Variants in CDH7 observed in about 807,000 individuals in gnomAD.
CDH7 encodes the protein cadherin-7.
Under a neutral mutation model 71.8 loss-of-function variants are expected in CDH7, and 25 were observed. That is an observed-to-expected ratio of 0.35 (90% CI 0.25 to 0.49). The LOEUF is 0.49. Ranked by LOEUF, CDH7 falls within the 20% of genes least tolerant of loss-of-function variation. The pLI is 0.99. For missense variants in CDH7, 862 were observed against 974.6 expected, an observed-to-expected ratio of 0.88 and a Z score of 1.54; for synonymous variants, 381 against 363.8, an observed-to-expected ratio of 1.05 and a Z score of -0.54.
chr18:65,844,157 A>G (rs1018063564), intron 7 of CDH7, 92 bp downstream of exon 7: 2 of 797,176 alleles, frequency 2.5e-6, no homozygotes, highest in African/African-American at 1.8e-5. Flanking sequence ...TCCTTTGTTC[A>G]TAACAAATAA....
chr18:65,861,343 G>A (rs1234473089), intron 10 of CDH7, among the ~76,000 whole-genome samples: 6 of 151,822 alleles, frequency 4.0e-5, no homozygotes, highest in Admixed American at 3.9e-4. Flanking sequence ...GTGTGTTTGT[G>A]TGTGTGTGTG....
intron 11 of CDH7, among the ~76,000 whole-genome samples, chr18:65,866,684 G>C (rs761077590): frequency 2.0e-5 from 3 of 152,096 alleles, no homozygotes; most frequent in African/African-American, 7.2e-5. Flanking sequence ...GAAGTACATC[G>C]TGAAAATATA....
At chr18:65,781,898 CTCTATCTTTCTCTCTTTCTCTCTT>C (rs1910252587) in intron 2 of CDH7, among the ~76,000 whole-genome samples, 3 of 58,578 alleles carry the variant, frequency 5.1e-5, no homozygotes, top group Non-Finnish European at 3.2e-5. Flanking sequence ...CTCTCTTTCT[CTCTATCTTTCTCTCTTTCTCTCTT>C]TCTCTCTCTC....
At chr18:65,833,785 A>T (rs573829880) in intron 6 of CDH7, among the ~76,000 whole-genome samples, 1 of 152,202 alleles carries the variant, frequency 6.6e-6, no homozygotes, top group African/African-American at 2.4e-5. Context: ...GAAGAAAATG[A>T]TACTAATTTA....
chr18:65,798,769 A>G (rs906126554), intron 2 of CDH7, among the ~76,000 whole-genome samples: 1 of 152,092 alleles, frequency 6.6e-6, no homozygotes, highest in Non-Finnish European at 1.5e-5. Flanking sequence ...CTTAAGAAAG[A>G]TGTGTTATCT....
rs1051171906 is a variant in CDH7 at position 65,890,251 on chromosome 18, A to T, written c.*9357A>T. ...GAAGCTTCAATTCTAGCAAAAATAA[A>T]CTATGTGCACTCATCAAAATGTGTG... On this transcript the variant is annotated 3_prime_UTR_variant, in exon 12 of 12. Coordinates refer to ENST00000397968, the MANE Select transcript of CDH7 (RefSeq NM_004361.5). 5.3e-5 allele frequency: 8 copies of T among 152,198 alleles called. No individual in the cohort carries two copies. The East Asian group carries it at 1.5e-3, about 29-fold the overall frequency. The allele number at this position is 152,198 out of a possible 1,614,324, so 9.4% of individuals were successfully genotyped here.
At chr18:65,842,236 G>A (rs1417158487) in intron 6 of CDH7, among the ~76,000 whole-genome samples, 1 of 151,968 alleles carries the variant, frequency 6.6e-6, no homozygotes, top group Non-Finnish European at 1.5e-5. Context: ...ACTCCCCTAT[G>A]TATAAAAAGC....
rs1209164393 is a variant in CDH7 at position 65,886,876 on chromosome 18, A to C, written c.*5982A>C. ...TCTTACGAATGAAGAAACTCTAGGA[A>C]ACTAAAAAATAATATATAATGGATA... is the stretch of plus-strand genomic sequence containing the variant. On this transcript the variant is annotated 3_prime_UTR_variant, in exon 12 of 12. Coordinates refer to ENST00000397968, the MANE Select transcript of CDH7 (RefSeq NM_004361.5). The C allele has an allele frequency of 6.6e-6, 1 of 152,144 alleles. No individual in the cohort carries two copies. The highest frequency in any genetic ancestry group is 1.5e-5 in the Non-Finnish European group (1 of 67,992). The allele number at this position is 152,144 out of a possible 1,614,324, so 9.4% of individuals were successfully genotyped here.
chr18:65,796,881 G>T (rs942210744), intron 2 of CDH7, among the ~76,000 whole-genome samples: 2 of 152,068 alleles, frequency 1.3e-5, no homozygotes, highest in African/African-American at 4.8e-5. Flanking sequence ...TACTCATTTG[G>T]GCAGAAGGAG....
At chr18:65,856,257 A>T (rs79159177) in intron 7 of CDH7, among the ~76,000 whole-genome samples, 2 of 152,192 alleles carry the variant, frequency 1.3e-5, no homozygotes, top group South Asian at 4.1e-4. Flanking sequence ...AATTCCTGAC[A>T]CAAACAAAAT....
chr18:65,818,045 A>C (rs982512264), intron 4 of CDH7, among the ~76,000 whole-genome samples: 5 of 152,040 alleles, frequency 3.3e-5, no homozygotes, highest in Non-Finnish European at 7.4e-5. Context: ...TCATCTCTAA[A>C]ATTCTACAAA....
At chr18:65,869,210 T>A (rs1913853169) in intron 11 of CDH7, among the ~76,000 whole-genome samples, 1 of 115,162 alleles carries the variant, frequency 8.7e-6, no homozygotes, top group African/African-American at 3.1e-5. Context: ...TTGCACCTGA[T>A]TTTTGTCCAG....
chr18:65,764,617 A>C (rs1208129120), intron 2 of CDH7, among the ~76,000 whole-genome samples: 1 of 152,098 alleles, frequency 6.6e-6, no homozygotes, highest in Admixed American at 6.6e-5. Flanking sequence ...TAACAAAGTC[A>C]TCCAATTTTC....
Position 65,802,440 on chromosome 18 carries a change from C to A in CDH7, c.211-7264C>A, listed in dbSNP as rs1006042356. On this transcript the variant is annotated intron_variant, in intron 2 of 11. Transcript: ENST00000397968. ...TGTTTTTATCTTAATTCAGAAAAAC[C>A]AATACCTCACTTTGAGTGGTGATAC... is the stretch of plus-strand genomic sequence containing the variant. 2.8e-4 allele frequency among the ~76,000 whole-genome samples: 43 copies of A among 152,202 alleles called. 1 individual carries two copies. Among genetic ancestry groups the A allele is most frequent in the Non-Finnish European group, 5.9e-4 (40 of 67,982 alleles).
intron 1 of CDH7, among the ~76,000 whole-genome samples, chr18:65,760,634 A>G (rs994559784): frequency 3.3e-5 from 5 of 152,202 alleles, no homozygotes; most frequent in Admixed American, 1.3e-4. Flanking sequence ...GAACTGTTCT[A>G]TGGCCACAGA....
intron 4 of CDH7, among the ~76,000 whole-genome samples, chr18:65,816,721 T>TC (rs1460782428): frequency 1.3e-5 from 2 of 152,036 alleles, no homozygotes; most frequent in African/African-American, 4.8e-5. Context: ...AATTTCTCCT[T>TC]CCCCCAACCT....
rs533152413 is a variant in CDH7 at position 65,843,452 on chromosome 18, C to G, written c.982-360C>G. On this transcript the variant is annotated intron_variant, in intron 6 of 11. Coordinates refer to ENST00000397968, the MANE Select transcript of CDH7 (RefSeq NM_004361.5). The stretch of plus-strand genomic sequence containing the variant: ...TGCTTTTCTTAATTTTTAAAGTGCA[C>G]CCTGGGTAGTACAGTTAAGTTACAT... Among the ~76,000 whole-genome samples, 4 of 152,186 alleles carry G rather than the reference C, an allele frequency of 2.6e-5. No individual in the cohort carries two copies. In the South Asian group the frequency reaches 8.3e-4, roughly 32 times the overall value.
chr18:65,791,803 ATT>A (rs1910721472), intron 2 of CDH7, among the ~76,000 whole-genome samples: 1 of 152,156 alleles, frequency 6.6e-6, no homozygotes, highest in African/African-American at 2.4e-5. Context: ...TAGTTTCATA[ATT>A]TCTTTAGAAT....
chr18:65,783,400 G>A lies in CDH7; in HGVS notation c.210+20348G>A, dbSNP rs142051586. Among the ~76,000 whole-genome samples, 763 of 152,198 alleles carry A rather than the reference G, an allele frequency of 5.0e-3. 7 individuals are homozygous for A. Among genetic ancestry groups the A allele is most frequent in the African/African-American group, 0.018 (731 of 41,528 alleles). On this transcript the variant is annotated intron_variant, in intron 2 of 11. Coordinates refer to ENST00000397968, the MANE Select transcript of CDH7 (RefSeq NM_004361.5). ...TCCAGCATCCTTTCTGAAAACAAAG[G>A]ATTTTTAAATCACTTTATGCACATA...
Sources: allele counts gnomAD v4.1 joint callset (sites outside exome capture counted in the v4.1 genomes callset), GRCh38; gene constraint gnomAD v4.1.1; transcripts MANE v1.5; gene names NCBI Gene and HGNC (gene_info 2026-07-23, HGNC 2026-07-21).